Variants in TPO observed in about 807,000 individuals in gnomAD.
The protein encoded by TPO is thyroid peroxidase.
A neutral mutation model predicts 96.9 loss-of-function variants in TPO; 78 were observed. The observed-to-expected ratio is 0.81, with a 90% CI of 0.67 to 0.97. The LOEUF is 0.97. TPO is among the 50% of genes least tolerant of loss of function. TPO has a pLI of 0.00. For missense variants in TPO, 1,252 were observed against 1,274.8 expected (o/e 0.98, Z 0.27); for synonymous variants, 547 against 538.0 (o/e 1.02, Z -0.23).
intron 15 of TPO, among the ~76,000 whole-genome samples, chr2:1,528,684 T>A (rs1573578310): frequency 2.4e-5 from 2 of 82,692 alleles, no homozygotes; most frequent in Non-Finnish European, 4.4e-5. Flanking sequence ...CCTCCCCAAA[T>A]CCCCCCTACC....
Position 1,541,029 on chromosome 2 carries a change from A to G in TPO, c.2748+306A>G, listed in dbSNP as rs28915678. The G allele has an allele frequency of 3.1e-3, 4,182 of 1,337,806 alleles. 84 individuals carry two copies. The African/African-American group carries it at 0.051, about 16-fold the overall frequency. 82.9% of individuals were successfully genotyped at this position (1,337,806 alleles called of 1,614,324 possible). A position where few individuals can be genotyped will look rare whatever the true frequency, so the allele number is the denominator to read the frequency against. ...GATCGGCTGGAAGCACAGGAGAGGA[A>G]GGAGAAGCTGAAGCAAAACCCTGAC... On this transcript the variant is annotated intron_variant, in intron 16 of 16. Coordinates refer to ENST00000329066, the MANE Select transcript of TPO (RefSeq NM_001206744.2).
rs370844749 is a variant in TPO, at chr2:1,487,957, C to T, written c.1734C>T (p.Ile578=). The T allele has an allele frequency of 6.2e-7, 1 of 1,613,926 alleles. No individual in the cohort carries two copies. Among genetic ancestry groups the T allele is most frequent in the Non-Finnish European group, 8.5e-7 (1 of 1,180,034 alleles). The change falls in exon 10 of 17, where the codon ATC becomes ATT. Residue 578 remains isoleucine (I), a synonymous_variant. Transcript: ENST00000329066. ...SNSSTLDLAS[I]NLQRGRDHGL... is the part of the protein sequence containing the mutation. ...CCAGCACCTTGGATCTGGCGTCCAT[C>T]AACCTGCAGAGGGGCCGGGACCACG...
intron 11 of TPO, among the ~76,000 whole-genome samples, chr2:1,494,273 T>G (rs1274675438): frequency 6.6e-6 from 1 of 152,190 alleles, no homozygotes; most frequent in African/African-American, 2.4e-5. Flanking sequence ...TAGCACTGAT[T>G]TTTCCTAGAT....
intron 8 of TPO, among the ~76,000 whole-genome samples, chr2:1,478,648 C>CA (rs1670224072): frequency 2.0e-5 from 3 of 152,238 alleles, no homozygotes; most frequent in Admixed American, 6.5e-5. Context: ...CAGGGGCTGG[C>CA]AGCAGCAGGC....
chr2:1,403,044 G>A (rs560282734), intron 1 of TPO, among the ~76,000 whole-genome samples: 16 of 152,256 alleles, frequency 1.1e-4, no homozygotes, highest in South Asian at 4.1e-4. Flanking sequence ...CTTAACCTGC[G>A]TTTCCTGTAT....
chr2:1,530,229 C>CT (rs1677771534), intron 15 of TPO, among the ~76,000 whole-genome samples: 1 of 24,464 alleles, frequency 4.1e-5, no homozygotes, highest in African/African-American at 2.3e-4. Context: ...TCCTCTAGTC[C>CT]CCCACTGTGT....
chr2:1,507,936 TGA>T (rs1673655765), intron 14 of TPO, among the ~76,000 whole-genome samples: 1 of 152,178 alleles, frequency 6.6e-6, no homozygotes, highest in Admixed American at 6.5e-5. Context: ...ATAGGAGTGG[TGA>T]GAGAAGGCAT....
chr2:1,469,339 G>T (rs192709781), intron 7 of TPO, among the ~76,000 whole-genome samples: 1 of 152,274 alleles, frequency 6.6e-6, no homozygotes, highest in South Asian at 2.1e-4. Flanking sequence ...GGTAGTCTCT[G>T]TCAGAGGGAA....
At chr2:1,418,727 G>A (rs1663206306) in intron 2 of TPO, among the ~76,000 whole-genome samples, 1 of 152,206 alleles carries the variant, frequency 6.6e-6, no homozygotes, top group African/African-American at 2.4e-5. Context: ...ACAAGTTATA[G>A]CTGTTAAAAG....
At chr2:1,478,082 G>A (rs2148676145) in intron 8 of TPO, 1 of 985,458 alleles carries the variant, frequency 1.0e-6, no homozygotes, top group Non-Finnish European at 1.2e-6. Flanking sequence ...TTCAGAGACA[G>A]TGCAGTGAAT....
chr2:1,384,994 G>C (rs1417216529), intron 1 of TPO, among the ~76,000 whole-genome samples: 1 of 152,170 alleles, frequency 6.6e-6, no homozygotes, highest in Non-Finnish European at 1.5e-5. Context: ...CTTTGGTTCT[G>C]TTTATATGCT....
At chr2:1,472,796 T>G (rs1406538288) in intron 7 of TPO, among the ~76,000 whole-genome samples, 1 of 144,464 alleles carries the variant, frequency 6.9e-6, no homozygotes, top group Admixed American at 7.1e-5. Flanking sequence ...CAGCCTTGTT[T>G]TTTTCTCATT....
chr2:1,499,961 T>C (rs932582313), intron 13 of TPO, among the ~76,000 whole-genome samples: 3 of 152,230 alleles, frequency 2.0e-5, no homozygotes, highest in Non-Finnish European at 4.4e-5. Flanking sequence ...CTGTTGATAT[T>C]AACACTGTGA....
intron 13 of TPO, among the ~76,000 whole-genome samples, chr2:1,502,884 C>T (rs1673014875): frequency 6.6e-6 from 1 of 152,210 alleles, no homozygotes; most frequent in Non-Finnish European, 1.5e-5. Context: ...CCAAGCCTCC[C>T]CCGGGGTTAG....
At chr2:1,514,345 A>G (rs893894302) in intron 14 of TPO, among the ~76,000 whole-genome samples, 2 of 152,206 alleles carry the variant, frequency 1.3e-5, no homozygotes, top group African/African-American at 4.8e-5. Flanking sequence ...CACAGTGGGA[A>G]TAATGTCTAA....
At position 1,540,495 on chromosome 2, in the gene TPO, C is replaced by CA. The variant is rs1440792597; in HGVS notation, c.2619-97dup. 4.4e-6 allele frequency: 7 copies of CA among 1,598,308 alleles called. No individual in the cohort carries two copies. In the East Asian group the frequency reaches 1.3e-4, roughly 31 times the overall value. ...TGGGTTGGAGTGTTCCTGCCAAAGA[C>CA]AAGCACGGCTGCCTTGCCGTCGCTC... On this transcript the variant is annotated intron_variant, in intron 15 of 16. Transcript: ENST00000329066.
chr2:1,433,307 C>T (rs1379501303), intron 3 of TPO, 131 bp from the exon 4 acceptor site: 1 of 1,169,232 alleles, frequency 8.6e-7, no homozygotes, highest in African/African-American at 1.5e-5. Context: ...CCTGTGCACA[C>T]CCCGCAGTGC....
chr2:1,489,930 A>G (rs1671561054), intron 10 of TPO, among the ~76,000 whole-genome samples: 1 of 147,498 alleles, frequency 6.8e-6, no homozygotes, highest in African/African-American at 2.6e-5. Flanking sequence ...GTGAGCACAC[A>G]GGAGGAGTCA....
chr2:1,412,756 A>C (rs2071399), upstream of TPO, among the ~76,000 whole-genome samples: 1 of 151,940 alleles, frequency 6.6e-6, no homozygotes, highest in Admixed American at 6.6e-5. Context: ...TCTCAGGAGC[A>C]GGTCATTGAA....
Sources: allele counts gnomAD v4.1 joint callset (sites outside exome capture counted in the v4.1 genomes callset), GRCh38; gene constraint gnomAD v4.1.1; transcripts MANE v1.5; gene names NCBI Gene and HGNC (gene_info 2026-07-23, HGNC 2026-07-21).